FMNL2: variants seen among roughly 807,000 people sequenced by gnomAD.
The protein encoded by FMNL2 is formin-like protein 2.
In FMNL2, 51 loss-of-function variants were observed where a neutral mutation model predicts 130.2. The observed-to-expected ratio is 0.39, with a 90% confidence interval of 0.31 to 0.49. The LOEUF is 0.49. Ranked by LOEUF, FMNL2 falls within the 20% of genes least tolerant of loss-of-function variation. FMNL2 has a pLI of 0.85. For missense variants in FMNL2, 977 were observed against 1,316.2 expected (o/e 0.74, Z 3.99); for synonymous variants, 465 against 467.1 (o/e 1.00, Z 0.06).
At chr2:152,450,629 A>G (rs35191034) in intron 1 of FMNL2, among the ~76,000 whole-genome samples, 2,082 of 152,286 alleles carry the variant, frequency 0.014, 36 homozygotes, top group East Asian at 0.067. Context: ...AGAAGTTGCC[A>G]TAGTTAGAGG....
intron 8 of FMNL2, among the ~76,000 whole-genome samples, chr2:152,580,110 T>TCA (rs1200715328): frequency 1.3e-5 from 2 of 152,252 alleles, no homozygotes; most frequent in African/African-American, 4.8e-5. Context: ...CATGCTTCTG[T>TCA]GTCTCTGCCT....
At position 152,529,631 on chromosome 2, in the gene FMNL2, T is replaced by G. The variant is rs115817060; in HGVS notation, c.201+7605T>G. ...GCCAACTCTTTGTATGTTGAGCTTT[T>G]GGAGTTTTGGAAAGTTGGGTCTGAA... On this transcript the variant is annotated intron_variant, in intron 2 of 25. Coordinates refer to ENST00000288670, the MANE Select transcript of FMNL2 (RefSeq NM_052905.4). Among the ~76,000 whole-genome samples the G allele has an allele frequency of 4.6e-3, 702 of 152,268 alleles. 6 individuals are homozygous for G. Among genetic ancestry groups the G allele is most frequent in the African/African-American group, 0.016 (655 of 41,548 alleles).
chr2:152,425,835 G>A (rs996556790), intron 1 of FMNL2, among the ~76,000 whole-genome samples: 3 of 152,152 alleles, frequency 2.0e-5, no homozygotes, highest in Non-Finnish European at 4.4e-5. Flanking sequence ...AGTTCTTGGC[G>A]GTTTCCAAAC....
intron 1 of FMNL2, among the ~76,000 whole-genome samples, chr2:152,364,261 G>GTTTTTTTTTTTTTTTTT (rs869062341): frequency 4.1e-5 from 1 of 24,460 alleles, no homozygotes; most frequent in Non-Finnish European, 9.3e-5. Context: ...AGGTTTGTGT[G>GTTTTTTTTTTTTTTTTT]TTTTTTTTTT....
At chr2:152,640,203 T>TA in intron 24 of FMNL2, 147 bp downstream of exon 24, 1 of 637,002 alleles carries the variant, frequency 1.6e-6, no homozygotes, top group East Asian at 2.9e-5. Context: ...CAAATGGAAA[T>TA]ATGCTCATTG....
chr2:152,555,940 A>G (rs1424772235), intron 4 of FMNL2, among the ~76,000 whole-genome samples: 1 of 152,218 alleles, frequency 6.6e-6, no homozygotes, highest in Non-Finnish European at 1.5e-5. Flanking sequence ...ATTTACATAA[A>G]TCTGCAAAAT....
At chr2:152,433,387 C>A (rs1205706252) in intron 1 of FMNL2, among the ~76,000 whole-genome samples, 2 of 152,140 alleles carry the variant, frequency 1.3e-5, no homozygotes, top group African/African-American at 4.8e-5. Flanking sequence ...TCTAGGTTAC[C>A]ATGTGTTTGT....
At chr2:152,390,108 G>A in intron 1 of FMNL2, 1 of 1,408,880 alleles carries the variant, frequency 7.1e-7, no homozygotes, top group South Asian at 1.2e-5. Context: ...GGAGGACAAA[G>A]GAAAACTGAA....
At chr2:152,550,499 A>G (rs1197771783) in intron 4 of FMNL2, among the ~76,000 whole-genome samples, 1 of 152,246 alleles carries the variant, frequency 6.6e-6, no homozygotes, top group Admixed American at 6.5e-5. Flanking sequence ...ATTAAAGACC[A>G]GAGAAGGTGA....
At chr2:152,541,974 T>C (rs577485682) in intron 2 of FMNL2, among the ~76,000 whole-genome samples, 1 of 152,332 alleles carries the variant, frequency 6.6e-6, no homozygotes, top group Non-Finnish European at 1.5e-5. Flanking sequence ...CTGATACACG[T>C]GGCATGAATT....
intron 21 of FMNL2, 57 bp from the exon 22 acceptor site, chr2:152,636,370 C>A: frequency 6.5e-7 from 1 of 1,540,602 alleles, no homozygotes; most frequent in South Asian, 1.2e-5. Context: ...CAGCCAGATT[C>A]GCTGTGGTTG....
intron 4 of FMNL2, among the ~76,000 whole-genome samples, chr2:152,551,971 CTGAG>C (rs1215835435): frequency 6.6e-6 from 1 of 152,232 alleles, no homozygotes; most frequent in African/African-American, 2.4e-5. Context: ...ATTGCACTCT[CTGAG>C]TAACAGAGTG....
At chr2:152,465,791 G>A (rs770461294) in intron 1 of FMNL2, among the ~76,000 whole-genome samples, 5 of 152,216 alleles carry the variant, frequency 3.3e-5, no homozygotes, top group Non-Finnish European at 7.3e-5. Context: ...TGCCTCGAGG[G>A]CACCTGTGGG....
intron 1 of FMNL2, among the ~76,000 whole-genome samples, chr2:152,489,508 G>C (rs1358526795): frequency 6.6e-6 from 1 of 152,190 alleles, no homozygotes; most frequent in African/African-American, 2.4e-5. Flanking sequence ...GTTTGTTTGA[G>C]GGACAAGAAT....
intron 1 of FMNL2, among the ~76,000 whole-genome samples, chr2:152,414,723 G>A (rs901165126): frequency 6.6e-6 from 1 of 152,162 alleles, no homozygotes; most frequent in African/African-American, 2.4e-5. Flanking sequence ...TTTTAGGTAA[G>A]CTCAAGTCTT....
rs762305331 is a variant in FMNL2, at chr2:152,628,495, A to T, written c.2362A>T (p.Ile788Phe). Residue 788 changes from isoleucine to phenylalanine, a missense_variant, in exon 18 of 26, where the codon ATT becomes TTT. Physicochemically the swap from Ile to Phe is conservative, Grantham distance 21 (BLOSUM62 0). This residue lies in a region of FMNL2 where 689 missense variants were observed against 995.9 expected (regional missense o/e 0.69). Coordinates refer to ENST00000288670, the MANE Select transcript of FMNL2 (RefSeq NM_052905.4). ...LMQKMTIMAFIGNFAESIQML... is the reference protein window; with the variant it reads ...LMQKMTIMAFFGNFAESIQML... ...GCAGAAGATGACCATCATGGCCTTC[A>T]TTGGGAACTTTGCTGAAAGCATTCA... 1.2e-6 allele frequency: 2 copies of T among 1,613,944 alleles called. No individual in the cohort carries two copies. The highest frequency in any genetic ancestry group is 2.7e-5 in the African/African-American group (2 of 74,942).
chr2:152,505,048 T>G (rs921483363), intron 1 of FMNL2, among the ~76,000 whole-genome samples: 2 of 152,242 alleles, frequency 1.3e-5, no homozygotes, highest in African/African-American at 2.4e-5. Flanking sequence ...TTCCCTCTGT[T>G]TATCTAAAGT....
At chr2:152,624,991 A>G (rs1335919003) in intron 15 of FMNL2, among the ~76,000 whole-genome samples, 1 of 152,270 alleles carries the variant, frequency 6.6e-6, no homozygotes, top group African/African-American at 2.4e-5. Flanking sequence ...GTCCCTGATC[A>G]TCTTCTAAGG....
chr2:152,432,048 T>G (rs972161218), intron 1 of FMNL2, among the ~76,000 whole-genome samples: 1 of 151,246 alleles, frequency 6.6e-6, no homozygotes, highest in African/African-American at 2.4e-5. Context: ...TTTATTCCTC[T>G]CTCTGTTATC....
Sources: allele counts gnomAD v4.1 joint callset (sites outside exome capture counted in the v4.1 genomes callset), GRCh38; gene constraint gnomAD v4.1.1; regional missense constraint gnomAD v4.1.1; transcripts MANE v1.5; gene names NCBI Gene and HGNC (gene_info 2026-07-23, HGNC 2026-07-21).